The following ENPP1 variants were observed in gnomAD, a reference collection of about 807,000 sequenced individuals.
ENPP1 encodes ectonucleotide pyrophosphatase/phosphodiesterase 1.
A neutral mutation model predicts 122.8 loss-of-function variants in ENPP1; 73 were observed. The ratio of observed to expected loss-of-function variants is 0.59; its 90% CI spans 0.49 to 0.72. ENPP1 has a LOEUF of 0.72. Among genes scored for constraint, ENPP1 ranks in the 30% least tolerant of loss-of-function variants. The pLI, the probability that ENPP1 is intolerant of heterozygous loss-of-function variation, is 0.00. For missense variants in ENPP1, 978 were observed against 1,128.1 expected (o/e 0.87, Z 1.91); for synonymous variants, 367 against 391.6 (o/e 0.94, Z 0.74).
intron 1 of ENPP1, chr6:131,826,712 C>T: frequency 1.8e-6 from 1 of 558,000 alleles, no homozygotes; most frequent in East Asian, 4.1e-5. Flanking sequence ...TCAGTGAAGG[C>T]AAGAGGTCTG....
At chr6:131,819,606 G>GAACT (rs1426442850) in intron 1 of ENPP1, among the ~76,000 whole-genome samples, 2 of 152,126 alleles carry the variant, frequency 1.3e-5, no homozygotes, top group Non-Finnish European at 2.9e-5. Context: ...TGCATTTGTG[G>GAACT]AACTGCATGT....
intron 1 of ENPP1, among the ~76,000 whole-genome samples, chr6:131,839,527 AAG>A (rs1431704773): frequency 6.6e-6 from 1 of 152,210 alleles, no homozygotes; most frequent in Admixed American, 6.5e-5. Flanking sequence ...CAGAATGAGG[AAG>A]AGTTTACTCT....
intron 1 of ENPP1, among the ~76,000 whole-genome samples, chr6:131,844,569 A>C (rs1585810513): frequency 6.7e-6 from 1 of 149,486 alleles, no homozygotes; most frequent in Non-Finnish European, 1.5e-5. Context: ...TGAAAAAGTG[A>C]ATGAACTGAT....
At chr6:131,826,027 G>T in intron 1 of ENPP1, 1 of 737,926 alleles carries the variant, frequency 1.4e-6, no homozygotes, top group Admixed American at 1.8e-5. Flanking sequence ...TACAGGAAGA[G>T]GAAGAGTATT....
intron 5 of ENPP1, 146 bp from the exon 6 acceptor site, chr6:131,854,780 C>T: frequency 1.5e-6 from 1 of 672,306 alleles, no homozygotes; most frequent in East Asian, 2.7e-5. Context: ...AGTATGCTTG[C>T]CGACTTTGTT....
At position 131,892,027 on chromosome 6, in the gene ENPP1, A is replaced by G. The variant is rs1264244384; in HGVS notation, c.*1516A>G. Reference sequence around the variant, plus strand: ...TTCTGTCTCTTTGCTGAGACTTTCTACGTTTTCATTTGTTTCAAGTGCATT... The same window carrying G: ...TTCTGTCTCTTTGCTGAGACTTTCTGCGTTTTCATTTGTTTCAAGTGCATT... On this transcript the variant is annotated 3_prime_UTR_variant, in exon 25 of 25. Transcript: ENST00000647893. The G allele has an allele frequency of 6.6e-6, 1 of 151,986 alleles. No homozygotes were observed. The highest frequency in any genetic ancestry group is 1.9e-4 in the East Asian group (1 of 5,190). The allele number at this position is 151,986 out of a possible 1,614,324, so 9.4% of individuals were successfully genotyped here. A position where few individuals can be genotyped will look rare whatever the true frequency, so the allele number is the denominator to read the frequency against.
At chr6:131,847,941 T>C (rs1347938336) in intron 2 of ENPP1, 93 bp downstream of exon 2, 1 of 971,862 alleles carries the variant, frequency 1.0e-6, no homozygotes, top group Non-Finnish European at 1.6e-6. Flanking sequence ...GTAAACATTA[T>C]CTCCTATTCC....
chr6:131,812,140 T>C lies in ENPP1; in HGVS notation c.240+3865T>C, dbSNP rs950646039. On this transcript the variant is annotated intron_variant, in intron 1 of 24. Coordinates refer to ENST00000647893, the MANE Select transcript of ENPP1 (RefSeq NM_006208.3). Reference sequence around the variant, plus strand: ...AGCTATTATGATGAGTTTTTTGTTATAGAATTTTGTGGTAGACTTTAGACA... The same window carrying C: ...AGCTATTATGATGAGTTTTTTGTTACAGAATTTTGTGGTAGACTTTAGACA... Among the ~76,000 whole-genome samples, 4 of 152,226 alleles carry C rather than the reference T, an allele frequency of 2.6e-5. No homozygotes were observed. The South Asian group carries it at 6.2e-4, about 24-fold the overall frequency.
intron 1 of ENPP1, among the ~76,000 whole-genome samples, chr6:131,831,486 G>A (rs985371565): frequency 6.6e-6 from 1 of 152,058 alleles, no homozygotes; most frequent in African/African-American, 2.4e-5. Context: ...CCCCATCCAG[G>A]AATACCACAT....
chr6:131,893,370 G>A lies in ENPP1; in HGVS notation c.*2859G>A, dbSNP rs1176428705. 6.6e-6 allele frequency: 1 copy of A among 152,280 alleles called. No individual in the cohort carries two copies. Among genetic ancestry groups the A allele is most frequent in the Non-Finnish European group, 1.5e-5 (1 of 68,084 alleles). The allele number at this position is 152,280 out of a possible 1,614,324, so 9.4% of individuals were successfully genotyped here. A position where few individuals can be genotyped will look rare whatever the true frequency, so the allele number is the denominator to read the frequency against. On this transcript the variant is annotated 3_prime_UTR_variant, in exon 25 of 25. Coordinates refer to ENST00000647893, the MANE Select transcript of ENPP1 (RefSeq NM_006208.3). ...TCATGAAGCCACAGGAGGGGTGCCA[G>A]GCTGCACAAAAGAGACACTGGATGC...
intron 12 of ENPP1, 49 bp from the exon 13 acceptor site, chr6:131,869,309 A>C (rs1182085569): frequency 3.7e-6 from 6 of 1,601,116 alleles, no homozygotes; most frequent in Middle Eastern, 1.7e-4. Flanking sequence ...TGCATATTAA[A>C]TTTTTTGTTA....
At chr6:131,832,616 T>C (rs543843501) in intron 1 of ENPP1, among the ~76,000 whole-genome samples, 1 of 152,230 alleles carries the variant, frequency 6.6e-6, no homozygotes, top group Admixed American at 6.5e-5. Context: ...TAGTTTTTGG[T>C]GTGTCAGGAG....
At chr6:131,825,693 A>G (rs1022841164) in intron 1 of ENPP1, among the ~76,000 whole-genome samples, 1 of 152,198 alleles carries the variant, frequency 6.6e-6, no homozygotes, top group Non-Finnish European at 1.5e-5. Flanking sequence ...AAGACAAATT[A>G]AAAGAGTTAA....
chr6:131,889,105 C>T (rs925515956), intron 24 of ENPP1, among the ~76,000 whole-genome samples: 4 of 152,178 alleles, frequency 2.6e-5, no homozygotes, highest in African/African-American at 7.2e-5. Flanking sequence ...CACATCATTA[C>T]GTTTGATCCT....
At chr6:131,828,114 C>G in intron 1 of ENPP1, 1 of 596,042 alleles carries the variant, frequency 1.7e-6, no homozygotes. Context: ...ATGTAGGAGT[C>G]CTGCTGTCAG....
Position 131,852,246 on chromosome 6 carries a change from A to T in ENPP1, c.617+11A>T. ...ACAGTGCCCAGCAGGGTAAGATTAT[A>T]TTCTGAGGTATTAATTTTTTCTTTT... On this transcript the variant is annotated intron_variant, in intron 5 of 24. Coordinates refer to ENST00000647893, the MANE Select transcript of ENPP1 (RefSeq NM_006208.3). 6.4e-7 allele frequency: 1 copy of T among 1,561,608 alleles called. No homozygotes were observed.
intron 21 of ENPP1, 47 bp from the exon 22 acceptor site, chr6:131,883,647 A>G (rs776354825): frequency 2.2e-6 from 2 of 925,078 alleles, no homozygotes; most frequent in Non-Finnish European, 3.6e-6. Context: ...ATAATTTCCT[A>G]TGTTATTTGT....
intron 6 of ENPP1, 116 bp downstream of exon 6, chr6:131,855,139 A>G (rs1269071422): frequency 1.1e-5 from 9 of 782,844 alleles, no homozygotes; most frequent in South Asian, 5.7e-5. Flanking sequence ...AAACTTTTCT[A>G]TGGCAAAGTA....
intron 1 of ENPP1, among the ~76,000 whole-genome samples, chr6:131,811,293 C>T (rs533267129): frequency 2.6e-5 from 4 of 151,958 alleles, no homozygotes; most frequent in South Asian, 4.2e-4. Context: ...AAAGGGCTTG[C>T]GTATGGGTGG....
Sources: allele counts gnomAD v4.1 joint callset (sites outside exome capture counted in the v4.1 genomes callset), GRCh38; gene constraint gnomAD v4.1.1; transcripts MANE v1.5; gene names NCBI Gene and HGNC (gene_info 2026-07-23, HGNC 2026-07-21).